Variants in STK40 observed in about 807,000 individuals in gnomAD.
STK40 encodes the protein serine/threonine-protein kinase 40.
A neutral mutation model predicts 47.9 loss-of-function variants in STK40; 13 were observed. That is an observed-to-expected ratio of 0.27 (90% confidence interval 0.18 to 0.43). STK40 has a LOEUF of 0.43. STK40 is among the 20% of genes least tolerant of loss of function. The pLI is 1.00. For missense variants in STK40, 460 were observed against 595.1 expected (o/e 0.77, Z 2.36); for synonymous variants, 225 against 243.2 (o/e 0.93, Z 0.69).
At chr1:36,376,339 C>A (rs1351568827) in intron 1 of STK40, among the ~76,000 whole-genome samples, 2 of 152,116 alleles carry the variant, frequency 1.3e-5, no homozygotes. Context: ...CTCAGGCCTC[C>A]CAGGCTCTGC....
chr1:36,368,240 C>T (rs1049886516), intron 1 of STK40, among the ~76,000 whole-genome samples: 21 of 152,122 alleles, frequency 1.4e-4, no homozygotes, highest in African/African-American at 5.1e-4. Context: ...CACCTCCTAA[C>T]ATGATGCCCT....
rs144551088 is a variant in STK40, at chr1:36,354,410, T to C, written c.577A>G (p.Ile193Val). The part of the protein sequence containing the change: ...RVVEALHQKN[I>V]VHRDLKLGNM... ...CCCAGCTTCAGGTCTCTGTGCACGA[T>C]ATTTTTCTGTAAAACAACAGGCGTA... The change falls in exon 6 of 11, where the codon ATC becomes GTC. Residue 193 changes from isoleucine to valine, a missense_variant. This residue lies in a region of STK40 where 277 missense variants were observed against 358.7 expected (regional missense o/e 0.77). Transcript: ENST00000373132. The C allele has an allele frequency of 1.4e-5, 23 of 1,613,970 alleles. No individual in the cohort carries two copies. In the African/African-American group the frequency reaches 1.5e-4, roughly 10 times the overall value.
At position 36,355,190 on chromosome 1, in the gene STK40, C is replaced by A. The variant is rs779075558; in HGVS notation, c.570+16G>T. On this transcript the variant is annotated intron_variant, in intron 5 of 10. Transcript: ENST00000373132. ...TTTCTGTGGCCAGAAGGCGCAGCAGCAGGGTGTGGCCTCACCTGGTGCAGG... is the reference window on the plus strand; with the variant it reads ...TTTCTGTGGCCAGAAGGCGCAGCAGAAGGGTGTGGCCTCACCTGGTGCAGG... The A allele has an allele frequency of 6.2e-7, 1 of 1,611,928 alleles. No homozygotes were observed. Among genetic ancestry groups the A allele is most frequent in the African/African-American group, 1.3e-5 (1 of 74,896 alleles).
At chr1:36,352,880 G>A (rs939318647) in intron 6 of STK40, among the ~76,000 whole-genome samples, 1 of 152,370 alleles carries the variant, frequency 6.6e-6, no homozygotes, top group South Asian at 2.1e-4. Context: ...ACCAGGTGGT[G>A]CTAGTCGAAG....
At chr1:36,361,081 C>T (rs534404432) in intron 2 of STK40, 140 bp downstream of exon 2, 2 of 939,516 alleles carry the variant, frequency 2.1e-6, no homozygotes, top group African/African-American at 1.6e-5. Flanking sequence ...AGCTAGGGAC[C>T]AAGCCTGGGG....
At position 36,361,271 on chromosome 1, in the gene STK40, C is replaced by T; in HGVS notation, c.62G>A (p.Gly21Glu). The change falls in exon 2 of 11, where the codon GGA (glycine) becomes GAA (glutamate). Residue 21 changes from glycine (G) to glutamate (E), a missense_variant. Coordinates refer to ENST00000373132, the MANE Select transcript of STK40 (RefSeq NM_001282547.2). ...TGCATTATTTCCAGAAATCCCACTT[C>T]CTAGAGCCTTGGCCCTGGCCGACGT... Reference protein sequence around the residue: ...GETSARAKALGSGISGNNAKR... With the variant: ...GETSARAKALESGISGNNAKR... 11 of 1,614,254 alleles carry T rather than the reference C, an allele frequency of 6.8e-6. No individual in the cohort carries two copies. Among genetic ancestry groups the T allele is most frequent in the Non-Finnish European group, 9.3e-6 (11 of 1,180,042 alleles).
intron 1 of STK40, among the ~76,000 whole-genome samples, chr1:36,383,851 C>T (rs1167783706): frequency 6.6e-6 from 1 of 152,010 alleles, no homozygotes; most frequent in East Asian, 1.9e-4. Flanking sequence ...TATTCATTCT[C>T]ACCTGGCTAA....
chr1:36,348,890 C>T, intron 6 of STK40, 75 bp from the exon 7 acceptor site: 4 of 1,262,688 alleles, frequency 3.2e-6, no homozygotes, highest in Non-Finnish European at 4.5e-6. Flanking sequence ...CAGGACACAC[C>T]TCACTGGGCC....
intron 7 of STK40, among the ~76,000 whole-genome samples, chr1:36,346,823 C>A (rs895847188): frequency 6.6e-6 from 1 of 152,208 alleles, no homozygotes; most frequent in African/African-American, 2.4e-5. Context: ...AGAGAGGAGT[C>A]CCATCCAGGG....
At chr1:36,370,270 CG>C (rs1646934147) in intron 1 of STK40, among the ~76,000 whole-genome samples, 1 of 152,346 alleles carries the variant, frequency 6.6e-6, no homozygotes, top group Non-Finnish European at 1.5e-5. Context: ...AGGCCCTGTG[CG>C]GGAGAATCCC....
intron 1 of STK40, among the ~76,000 whole-genome samples, chr1:36,384,029 T>C (rs1283030471): frequency 1.9e-5 from 2 of 106,256 alleles, no homozygotes; most frequent in African/African-American, 7.2e-5. Context: ...CTTCTTCTTC[T>C]TCTTTTTTTT....
Position 36,344,110 on chromosome 1 carries a change from CA to C in STK40, c.884+9del. On this transcript the variant is annotated intron_variant, in intron 8 of 10. Coordinates refer to ENST00000373132, the MANE Select transcript of STK40 (RefSeq NM_001282547.2). ...GCTGCCCCCCCCACCCCCCGGGAGG[CA>C]GGACTCACTCAGGAATGGTATACTC... 1 of 1,570,780 alleles carries C rather than the reference CA, an allele frequency of 6.4e-7. No homozygotes were observed. Among genetic ancestry groups the C allele is most frequent in the Non-Finnish European group, 8.6e-7 (1 of 1,156,890 alleles).
chr1:36,365,815 T>C (rs1334210003), intron 1 of STK40, among the ~76,000 whole-genome samples: 1 of 152,238 alleles, frequency 6.6e-6, no homozygotes, highest in Non-Finnish European at 1.5e-5. Context: ...ACTATGTATT[T>C]ATTTGTGTTT....
chr1:36,345,987 A>T (rs866513737), intron 7 of STK40, among the ~76,000 whole-genome samples: 343 of 17,218 alleles, frequency 0.02, 4 homozygotes, highest in South Asian at 0.045. Context: ...ATATATATAT[A>T]TATATTTTTT....
intron 6 of STK40, 26 bp downstream of exon 6, chr1:36,354,338 T>C: frequency 1.9e-6 from 3 of 1,613,410 alleles, no homozygotes; most frequent in Non-Finnish European, 2.5e-6. Context: ...GGGGTAACTG[T>C]ATGGATGTAG....
chr1:36,343,758 A>C lies in STK40; in HGVS notation c.1004+102T>G, dbSNP rs377550470. The C allele has an allele frequency of 2.7e-6, 4 of 1,480,274 alleles. No individual in the cohort carries two copies. The East Asian group carries it at 9.5e-5, about 35-fold the overall frequency. 91.7% of individuals were successfully genotyped at this position (1,480,274 alleles called of 1,614,324 possible). ...CAGAGAATCTGGAAATCTGACTCTAACTGGCAGAGAAGCAGGCTGACTACT... is the reference window on the plus strand; with the variant it reads ...CAGAGAATCTGGAAATCTGACTCTACCTGGCAGAGAAGCAGGCTGACTACT... On this transcript the variant is annotated intron_variant, in intron 9 of 10. Coordinates refer to ENST00000373132, the MANE Select transcript of STK40 (RefSeq NM_001282547.2).
At chr1:36,346,563 G>A (rs1291204804) in intron 7 of STK40, among the ~76,000 whole-genome samples, 6 of 152,224 alleles carry the variant, frequency 3.9e-5, no homozygotes, top group African/African-American at 1.4e-4. Flanking sequence ...AACCCAGGAG[G>A]GAGGAGGCTG....
At chr1:36,355,565 C>T in intron 4 of STK40, 132 bp from the exon 5 acceptor site, 1 of 974,268 alleles carries the variant, frequency 1.0e-6, no homozygotes, top group Non-Finnish European at 1.6e-6. Flanking sequence ...ATGTGCGGGC[C>T]AGAGAGGACT....
intron 1 of STK40, among the ~76,000 whole-genome samples, chr1:36,378,087 C>T (rs1004151364): frequency 5.3e-5 from 8 of 152,242 alleles, no homozygotes; most frequent in Admixed American, 3.9e-4. Context: ...TGCATGGTTG[C>T]AAGTCTCCTT....
Sources: allele counts gnomAD v4.1 joint callset (sites outside exome capture counted in the v4.1 genomes callset), GRCh38; gene constraint gnomAD v4.1.1; regional missense constraint gnomAD v4.1.1; transcripts MANE v1.5; gene names NCBI Gene and HGNC (gene_info 2026-07-23, HGNC 2026-07-21).